ARHGEF38: variants seen among roughly 807,000 people sequenced by gnomAD.
ARHGEF38 encodes the protein Rho guanine nucleotide exchange factor (GEF) 38.
In ARHGEF38, 79 loss-of-function variants were observed where a neutral mutation model predicts 79.9. The ratio of observed to expected loss-of-function variants is 0.99; its 90% CI spans 0.82 to 1.19. ARHGEF38 has a LOEUF of 1.19. ARHGEF38 is among the 50% of genes most tolerant of loss of function. The probability of loss-of-function intolerance (pLI) is 0.00; values close to 1 mark genes in which losing one functional copy is unlikely to be tolerated. For missense variants in ARHGEF38, 962 were observed against 907.2 expected, an observed-to-expected ratio of 1.06 and a Z score of -0.78; for synonymous variants, 366 against 328.3, an observed-to-expected ratio of 1.11 and a Z score of -1.24.
intron 5 of ARHGEF38, among the ~76,000 whole-genome samples, chr4:105,644,837 C>T (rs1729769821): frequency 6.6e-6 from 1 of 152,110 alleles, no homozygotes; most frequent in Admixed American, 6.5e-5. Context: ...CAGGAAAATG[C>T]ATTTTTCTTT....
chr4:105,669,282 T>C (rs1330307906), intron 13 of ARHGEF38, among the ~76,000 whole-genome samples: 1 of 152,184 alleles, frequency 6.6e-6, no homozygotes, highest in African/African-American at 2.4e-5. Flanking sequence ...CTCTACACAG[T>C]ATTTAATTTT....
chr4:105,583,099 G>C (rs186879568), intron 1 of ARHGEF38, among the ~76,000 whole-genome samples: 1 of 152,230 alleles, frequency 6.6e-6, no homozygotes, highest in East Asian at 1.9e-4. Context: ...ATTACACATA[G>C]ATTTGAATCG....
At chr4:105,556,762 C>G (rs554557222) in intron 1 of ARHGEF38, among the ~76,000 whole-genome samples, 5 of 152,138 alleles carry the variant, frequency 3.3e-5, no homozygotes, top group African/African-American at 1.2e-4. Context: ...TGATCAGGCC[C>G]AAGCAGGAAA....
chr4:105,672,863 C>G (rs1202376185), intron 13 of ARHGEF38, among the ~76,000 whole-genome samples: 1 of 152,220 alleles, frequency 6.6e-6, no homozygotes, highest in Non-Finnish European at 1.5e-5. Flanking sequence ...AGACCACTTT[C>G]AACAACCTGA....
At chr4:105,636,087 G>A (rs1036105743) in intron 4 of ARHGEF38, among the ~76,000 whole-genome samples, 1 of 151,902 alleles carries the variant, frequency 6.6e-6, no homozygotes, top group East Asian at 1.9e-4. Flanking sequence ...TTATGGAATG[G>A]ATCTTAAAAT....
At position 105,679,237 on chromosome 4, in the gene ARHGEF38, A is replaced by G; in HGVS notation, c.*1300A>G. On this transcript the variant is annotated 3_prime_UTR_variant, in exon 14 of 14. Coordinates refer to ENST00000420470, the MANE Select transcript of ARHGEF38 (RefSeq NM_001242729.2). ...TCTGGAATTAAAAGATGTTTCCATC[A>G]TAATATTCTTTAATTTCAGGTAATT... 1.5e-6 allele frequency: 1 copy of G among 678,028 alleles called. No homozygotes were observed. The highest frequency in any genetic ancestry group is 2.6e-6 in the Non-Finnish European group (1 of 378,008). The allele number at this position is 678,028 out of a possible 1,614,324, so 42.0% of individuals were successfully genotyped here.
intron 1 of ARHGEF38, among the ~76,000 whole-genome samples, chr4:105,577,261 C>T (rs1369311887): frequency 8.5e-6 from 1 of 117,070 alleles, no homozygotes; most frequent in African/African-American, 3.3e-5. Flanking sequence ...CTCCCCCCAC[C>T]CCACAACAGT....
chr4:105,587,684 T>C (rs1727124512), intron 1 of ARHGEF38, among the ~76,000 whole-genome samples: 1 of 152,106 alleles, frequency 6.6e-6, no homozygotes, highest in Non-Finnish European at 1.5e-5. Flanking sequence ...ATGATCTCGA[T>C]CTCCTGACCT....
At chr4:105,622,897 C>A (rs1037394380) in intron 3 of ARHGEF38, among the ~76,000 whole-genome samples, 2 of 152,164 alleles carry the variant, frequency 1.3e-5, no homozygotes, top group Non-Finnish European at 2.9e-5. Flanking sequence ...CACAAACACA[C>A]CTTTGCACAC....
chr4:105,576,876 A>G (rs762524043), intron 1 of ARHGEF38, among the ~76,000 whole-genome samples: 2 of 152,106 alleles, frequency 1.3e-5, no homozygotes, highest in African/African-American at 4.8e-5. Context: ...AGAAGATCCT[A>G]TGATTTGTGT....
In ARHGEF38 at chr4:105,659,849, T is replaced by TTGTGTGTGTGTGTG. The variant is rs59465723; in HGVS notation, c.1545+510_1545+523dup. Among the ~76,000 whole-genome samples the TTGTGTGTGTGTGTG allele has an allele frequency of 2.5e-3, 328 of 133,216 alleles. 1 individual carries two copies. Among genetic ancestry groups the TTGTGTGTGTGTGTG allele is most frequent in the African/African-American group, 8.2e-3 (273 of 33,434 alleles). 87.4% of individuals were successfully genotyped at this position (133,216 alleles called of 152,430 possible). ...TTCCCCAAGAAAGAGAAGCCTGGTT[T>TTGTGTGTGTGTGTG]TGTGTGTGTGTGTGTGTGTGTGTGT... On this transcript the variant is annotated intron_variant, in intron 10 of 13. Transcript: ENST00000420470.
Position 105,666,311 on chromosome 4 carries a change from G to A in ARHGEF38, c.1680G>A (p.Val560=). The change falls in exon 11 of 14, where the codon GTG becomes GTA. Residue 560 remains valine, a synonymous_variant. Transcript: ENST00000420470. ...RKLSFEKKKP[V]QILPEMPHQT... is the part of the protein sequence containing the mutation. ...TCAGTTTTGAAAAGAAGAAACCTGT[G>A]CAGATTCTGGTGAGTTTGGCAGCAT... 2 of 1,525,870 alleles carry A rather than the reference G, an allele frequency of 1.3e-6. No homozygotes were observed. Among genetic ancestry groups the A allele is most frequent in the Non-Finnish European group, 8.7e-7 (1 of 1,143,382 alleles). 94.5% of individuals were successfully genotyped at this position (1,525,870 alleles called of 1,614,324 possible).
intron 2 of ARHGEF38, among the ~76,000 whole-genome samples, chr4:105,597,848 T>C (rs772808228): frequency 2.0e-5 from 3 of 152,168 alleles, no homozygotes; most frequent in South Asian, 2.1e-4. Context: ...CTACAGTTAA[T>C]TCAAAATAAG....
chr4:105,665,222 C>T (rs1485527539), intron 10 of ARHGEF38, among the ~76,000 whole-genome samples: 6 of 151,994 alleles, frequency 3.9e-5, no homozygotes, highest in South Asian at 2.1e-4. Flanking sequence ...AGGCCAGGTG[C>T]GGTCACTTAT....
rs922424702 is a variant in ARHGEF38 at position 105,667,670 on chromosome 4, T to G, written c.2115T>G (p.Thr705=). The G allele has an allele frequency of 6.5e-7, 1 of 1,536,312 alleles. No individual in the cohort carries two copies. The change falls in exon 13 of 14, where the codon ACT becomes ACG. Residue 705 remains threonine (T), a synonymous_variant. Transcript: ENST00000420470. ...GTCGKFETNG[T]DVDSFQEVDE... ...GTGGAAAGTTTGAAACAAATGGTAC[T>G]GATGTTGACAGTTTTCAAGAAGTAG...
At chr4:105,621,862 GT>G (rs1010811407) in intron 3 of ARHGEF38, among the ~76,000 whole-genome samples, 18 of 152,192 alleles carry the variant, frequency 1.2e-4, no homozygotes, top group African/African-American at 4.3e-4. Flanking sequence ...CAGTGCGGAG[GT>G]TTGGGGGACA....
At chr4:105,554,114 T>C (rs1725139494) in intron 1 of ARHGEF38, among the ~76,000 whole-genome samples, 1 of 152,206 alleles carries the variant, frequency 6.6e-6, no homozygotes, top group Admixed American at 6.5e-5. Flanking sequence ...CAAATACTTT[T>C]TTTTTAAAAT....
Position 105,552,980 on chromosome 4 carries a change from A to G in ARHGEF38, c.196+19A>G. The G allele has an allele frequency of 1.3e-6, 2 of 1,591,698 alleles. No homozygotes were observed. Among genetic ancestry groups the G allele is most frequent in the Non-Finnish European group, 8.6e-7 (1 of 1,167,118 alleles). ...TTACAAGGTAACCAAAAAGAAATCAATTGTCCCAGTTACTGCACTCCCAGC... is the reference window on the plus strand; with the variant it reads ...TTACAAGGTAACCAAAAAGAAATCAGTTGTCCCAGTTACTGCACTCCCAGC... On this transcript the variant is annotated intron_variant, in intron 1 of 13. Transcript: ENST00000420470.
rs144256919 is a variant in ARHGEF38, at chr4:105,651,159, A to G, written c.1008+2477A>G. On this transcript the variant is annotated intron_variant, in intron 7 of 13. Transcript: ENST00000420470. The stretch of plus-strand genomic sequence containing the variant: ...TATCATCAACTTCTTATATTTCTCA[A>G]TTGTGAACTAAAAGTGAATTGTAGT... 2.4e-3 allele frequency among the ~76,000 whole-genome samples: 362 copies of G among 152,342 alleles called. 2 individuals carry two copies. The highest frequency in any genetic ancestry group is 8.4e-3 in the African/African-American group (351 of 41,586).
Sources: gnomAD v4.1 joint callset for allele counts (sites outside exome capture counted in the v4.1 genomes callset) on GRCh38, gnomAD v4.1.1 for gene constraint, MANE v1.5 for transcripts, NCBI Gene and HGNC (gene_info 2026-07-23, HGNC 2026-07-21) for gene names.